The following CDH13 variants were observed in gnomAD, a reference collection of about 807,000 sequenced individuals.
CDH13 encodes cadherin 13.
Under a neutral mutation model 63.8 loss-of-function variants are expected in CDH13, and 24 were observed. The observed-to-expected ratio is 0.38, with a 90% CI of 0.27 to 0.53. CDH13 has a LOEUF of 0.53. CDH13 is among the 20% of genes least tolerant of loss of function. The probability of loss-of-function intolerance (pLI) is 0.85; values close to 1 mark genes in which losing one functional copy is unlikely to be tolerated. For synonymous variants in CDH13, 503 were observed against 355.3 expected, an observed-to-expected ratio of 1.42 and a Z score of -4.67; for missense variants, 1,049 against 903.1, an observed-to-expected ratio of 1.16 and a Z score of -2.07.
At chr16:83,064,576 C>A (rs79179848) in intron 3 of CDH13, among the ~76,000 whole-genome samples, 1 of 152,078 alleles carries the variant, frequency 6.6e-6, no homozygotes, top group African/African-American at 2.4e-5. Flanking sequence ...ATCATTTAAG[C>A]AACATAAAAA....
intron 7 of CDH13, among the ~76,000 whole-genome samples, chr16:83,537,499 T>TTG (rs1308108030): frequency 2.0e-5 from 3 of 152,160 alleles, no homozygotes; most frequent in Non-Finnish European, 4.4e-5. Flanking sequence ...TTCTTGGGGA[T>TTG]TGGAATATGA....
intron 1 of CDH13, among the ~76,000 whole-genome samples, chr16:82,755,641 C>T (rs990164168): frequency 6.6e-6 from 1 of 152,166 alleles, no homozygotes; most frequent in African/African-American, 2.4e-5. Context: ...TGTATTCATT[C>T]AATTATTCTT....
intron 3 of CDH13, among the ~76,000 whole-genome samples, chr16:83,040,632 AGACT>A (rs1275942396): frequency 6.6e-6 from 1 of 152,176 alleles, no homozygotes; most frequent in African/African-American, 2.4e-5. Context: ...ATGCCCACCC[AGACT>A]GAGGGTGGGT....
chr16:83,105,211 C>A lies in CDH13; in HGVS notation c.367-20174C>A, dbSNP rs143149535. Reference sequence around the variant, plus strand: ...TGGGGCCTGCTTTCCCCAGGATCACCGTAAGATTCTACCTGAGGAGCTGAG... The same window carrying A: ...TGGGGCCTGCTTTCCCCAGGATCACAGTAAGATTCTACCTGAGGAGCTGAG... On this transcript the variant is annotated intron_variant, in intron 3 of 13. Coordinates refer to ENST00000567109, the MANE Select transcript of CDH13 (RefSeq NM_001257.5). Among the ~76,000 whole-genome samples, 297 of 152,270 alleles carry A rather than the reference C, an allele frequency of 2.0e-3. 1 individual carries two copies. Among genetic ancestry groups the A allele is most frequent in the African/African-American group, 6.7e-3 (280 of 41,548 alleles).
intron 8 of CDH13, among the ~76,000 whole-genome samples, chr16:83,644,183 C>T (rs1424998589): frequency 6.6e-6 from 1 of 152,226 alleles, no homozygotes; most frequent in African/African-American, 2.4e-5. Flanking sequence ...GGCCCACATT[C>T]TCCCAATTTC....
chr16:83,165,077 G>T (rs1190760592), intron 4 of CDH13, among the ~76,000 whole-genome samples: 1 of 122,276 alleles, frequency 8.2e-6, no homozygotes, highest in Non-Finnish European at 1.6e-5. Flanking sequence ...ATGAGTAGAA[G>T]CAGGAGAAAA....
chr16:82,635,117 C>A (rs1330678925), intron 1 of CDH13, among the ~76,000 whole-genome samples: 1 of 152,254 alleles, frequency 6.6e-6, no homozygotes, highest in Non-Finnish European at 1.5e-5. Context: ...TCTTTCTCCT[C>A]CACTAGACTA....
chr16:83,762,634 C>G (rs1243430921), intron 11 of CDH13, among the ~76,000 whole-genome samples: 1 of 152,168 alleles, frequency 6.6e-6, no homozygotes, highest in Non-Finnish European at 1.5e-5. Flanking sequence ...TGGAATCCCA[C>G]TGGGGACGGC....
At chr16:83,245,275 C>A (rs577416911) in intron 5 of CDH13, among the ~76,000 whole-genome samples, 1 of 152,198 alleles carries the variant, frequency 6.6e-6, no homozygotes, top group Non-Finnish European at 1.5e-5. Flanking sequence ...TTGTAGGGAA[C>A]AACCACAAGA....
chr16:82,638,826 G>GCGCGCGCA (rs1567578783), intron 1 of CDH13, among the ~76,000 whole-genome samples: 48 of 152,134 alleles, frequency 3.2e-4, no homozygotes, highest in African/African-American at 1.2e-3. Context: ...CAGTGTGTGC[G>GCGCGCGCA]TGTGTGCGTT....
intron 1 of CDH13, among the ~76,000 whole-genome samples, chr16:82,776,385 C>T (rs867949813): frequency 3.9e-4 from 60 of 152,144 alleles, no homozygotes; most frequent in African/African-American, 1.3e-3. Context: ...CAAAAAAACC[C>T]AGTGCAGAGT....
chr16:82,689,612 G>A (rs1213278707), intron 1 of CDH13, among the ~76,000 whole-genome samples: 1 of 152,124 alleles, frequency 6.6e-6, no homozygotes, highest in African/African-American at 2.4e-5. Context: ...TGCTGCAAAT[G>A]GCAAATGTGT....
intron 2 of CDH13, among the ~76,000 whole-genome samples, chr16:82,890,738 G>A (rs1029904772): frequency 1.4e-5 from 2 of 147,062 alleles, no homozygotes; most frequent in Admixed American, 7.0e-5. Context: ...TGCAACCTCC[G>A]CCTCCCAGGT....
At chr16:83,215,469 A>G (rs923505109) in intron 4 of CDH13, among the ~76,000 whole-genome samples, 2 of 148,438 alleles carry the variant, frequency 1.3e-5, no homozygotes, top group Non-Finnish European at 3.0e-5. Flanking sequence ...GTCAACACTC[A>G]GTGTATTTTA....
chr16:82,933,646 C>T (rs1446083012), intron 2 of CDH13, among the ~76,000 whole-genome samples: 2 of 152,130 alleles, frequency 1.3e-5, no homozygotes, highest in Non-Finnish European at 2.9e-5. Context: ...AAGGCAAGTC[C>T]CTTCCACCTA....
At chr16:82,926,284 CAAAAAAAAAAAAGA>C (rs2042302095) in intron 2 of CDH13, among the ~76,000 whole-genome samples, 2 of 118,422 alleles carry the variant, frequency 1.7e-5, no homozygotes. Context: ...ACGTTATTTC[CAAAAAAAAAAAAGA>C]AAAAAAAAGG....
intron 2 of CDH13, among the ~76,000 whole-genome samples, chr16:82,967,529 G>C (rs141666766): frequency 0.011 from 1,740 of 152,262 alleles, 25 homozygotes; most frequent in African/African-American, 0.037. Flanking sequence ...AATGCATTAA[G>C]TGCCCATTTC....
chr16:83,346,313 A>G (rs2090838847), intron 6 of CDH13, among the ~76,000 whole-genome samples: 1 of 152,154 alleles, frequency 6.6e-6, no homozygotes, highest in East Asian at 1.9e-4. Context: ...GCTGCTTTTG[A>G]TGGAAAGATG....
chr16:83,291,356 C>T (rs948234833), intron 5 of CDH13, among the ~76,000 whole-genome samples: 1 of 152,076 alleles, frequency 6.6e-6, no homozygotes, highest in African/African-American at 2.4e-5. Context: ...AACTTTTCAG[C>T]TTATTGTACC....
Sources: gnomAD v4.1 joint callset for allele counts (sites outside exome capture counted in the v4.1 genomes callset) on GRCh38, gnomAD v4.1.1 for gene constraint, MANE v1.5 for transcripts, NCBI Gene and HGNC (gene_info 2026-07-23, HGNC 2026-07-21) for gene names.